Variants in KLRF1 observed in about 807,000 individuals in gnomAD.
KLRF1 encodes killer cell lectin like receptor F1.
Under a neutral mutation model 30.7 loss-of-function variants are expected in KLRF1, and 27 were observed. The observed-to-expected ratio is 0.88, with a 90% CI of 0.65 to 1.21. The LOEUF is 1.21. Among genes scored for constraint, KLRF1 ranks in the 50% most tolerant of loss-of-function variants. The probability of loss-of-function intolerance (pLI) is 0.00; values close to 1 mark genes in which losing one functional copy is unlikely to be tolerated. For missense variants in KLRF1, 246 were observed against 259.3 expected (o/e 0.95, Z 0.35); for synonymous variants, 92 against 89.3 (o/e 1.03, Z -0.17).
intron 3 of KLRF1, among the ~76,000 whole-genome samples, chr12:9,833,901 CTTTTTTTTTTT>C (rs35443913): frequency 2.4e-5 from 2 of 82,406 alleles, no homozygotes; most frequent in African/African-American, 5.5e-5. Context: ...AAATGTTTAA[CTTTTTTTTTTT>C]TTTTTTTTTT....
At chr12:9,810,790 T>A in the KLRF1 span, among the ~76,000 whole-genome samples, 3 of 152,224 alleles carry the variant, frequency 2.0e-5, no homozygotes, top group African/African-American at 7.2e-5. Context: ...GAATTTTTTT[T>A]ATGAAGTGAC....
chr12:9,822,755 A>T (rs933244275), upstream of KLRF1, among the ~76,000 whole-genome samples: 1 of 152,230 alleles, frequency 6.6e-6, no homozygotes, highest in African/African-American at 2.4e-5. Flanking sequence ...ACAGGCTTGA[A>T]ATAAAGGGAT....
chr12:9,802,060 C>G, the KLRF1 span, among the ~76,000 whole-genome samples: 2 of 151,954 alleles, frequency 1.3e-5, no homozygotes, highest in Admixed American at 6.6e-5. Context: ...GTCAATATCC[C>G]TGATGAACAT....
intron 5 of KLRF1, among the ~76,000 whole-genome samples, chr12:9,842,793 T>C (rs777385665): frequency 6.6e-6 from 1 of 152,212 alleles, no homozygotes; most frequent in South Asian, 2.1e-4. Context: ...AAAATACAAA[T>C]GGTATATACA....
At position 9,827,531 on chromosome 12, in the gene KLRF1, C is replaced by G. The variant is rs1180765053; in HGVS notation, c.-14C>G. On this transcript the variant is annotated 5_prime_UTR_variant, in exon 1 of 6. Transcript: ENST00000617889. Reference sequence around the variant, plus strand: ...AAACATACCTGTATACACACACATTCACTCACATTGAAGATGCAAGATGAA... The same window carrying G: ...AAACATACCTGTATACACACACATTGACTCACATTGAAGATGCAAGATGAA... 2.0e-6 allele frequency: 3 copies of G among 1,511,268 alleles called. No homozygotes were observed. The highest frequency in any genetic ancestry group is 1.8e-6 in the Non-Finnish European group (2 of 1,090,862). 93.6% of individuals were successfully genotyped at this position (1,511,268 alleles called of 1,614,324 possible).
the KLRF1 span, among the ~76,000 whole-genome samples, chr12:9,811,115 C>T: frequency 6.6e-6 from 1 of 151,746 alleles, no homozygotes; most frequent in East Asian, 1.9e-4. Context: ...TCACCTAAGA[C>T]TGCTTCTTAC....
At chr12:9,830,362 A>G (rs1867386622) in intron 1 of KLRF1, among the ~76,000 whole-genome samples, 1 of 152,012 alleles carries the variant, frequency 6.6e-6, no homozygotes, top group African/African-American at 2.4e-5. Context: ...ACCTTCAAAT[A>G]ATTTTACCTT....
chr12:9,834,360 A>G (rs1238559418), intron 3 of KLRF1, among the ~76,000 whole-genome samples: 2 of 152,076 alleles, frequency 1.3e-5, no homozygotes, highest in Non-Finnish European at 2.9e-5. Flanking sequence ...TTACAGTAAT[A>G]AGAAAAATAA....
At chr12:9,802,351 T>G in the KLRF1 span, among the ~76,000 whole-genome samples, 1 of 151,520 alleles carries the variant, frequency 6.6e-6, no homozygotes, top group Non-Finnish European at 1.5e-5. Flanking sequence ...ATAATAAGAG[T>G]TATTTATGAC....
rs2232543 is a variant in KLRF1, at chr12:9,827,647, A to G, written c.85+18A>G. ...ATTTAAAGGTATGGAATTTAATTTC[A>G]TTTTTTCAATTGGTGTGAATTAACA... is the stretch of plus-strand genomic sequence containing the variant. On this transcript the variant is annotated intron_variant, in intron 1 of 5. Coordinates refer to ENST00000617889, the MANE Select transcript of KLRF1 (RefSeq NM_016523.3). The G allele has an allele frequency of 0.99, 1,482,865 of 1,502,836 alleles. 732,655 individuals carry two copies. The highest frequency in any genetic ancestry group is 1 in the Non-Finnish European group (1,081,826 of 1,083,048). The allele number at this position is 1,502,836 out of a possible 1,614,324, so 93.1% of individuals were successfully genotyped here.
chr12:9,842,017 T>G, intron 4 of KLRF1, 66 bp downstream of exon 4: 1 of 1,463,976 alleles, frequency 6.8e-7, no homozygotes, highest in Non-Finnish European at 9.3e-7. Context: ...CAAATATCTT[T>G]CCATCTTTGC....
At chr12:9,826,788 C>G (rs1239513716), upstream of KLRF1, among the ~76,000 whole-genome samples, 1 of 152,166 alleles carries the variant, frequency 6.6e-6, no homozygotes, top group Non-Finnish European at 1.5e-5. Flanking sequence ...CCAAATACCA[C>G]ATGTTCTCAC....
At chr12:9,822,351 A>G in the KLRF1 span, among the ~76,000 whole-genome samples, 1 of 152,242 alleles carries the variant, frequency 6.6e-6, no homozygotes, top group East Asian at 1.9e-4. Flanking sequence ...TGGAAAACAC[A>G]TTACAAGAAT....
chr12:9,806,068 G>T, the KLRF1 span, among the ~76,000 whole-genome samples: 1 of 150,920 alleles, frequency 6.6e-6, no homozygotes, highest in African/African-American at 2.4e-5. Flanking sequence ...CTTGCTTTAG[G>T]CTTATTTCGT....
chr12:9,826,353 T>A (rs1867282580), upstream of KLRF1, among the ~76,000 whole-genome samples: 1 of 152,172 alleles, frequency 6.6e-6, no homozygotes, highest in Non-Finnish European at 1.5e-5. Context: ...ACCAGTCGAA[T>A]GGCTATTATT....
At chr12:9,800,655 A>C in the KLRF1 span, among the ~76,000 whole-genome samples, 2 of 151,938 alleles carry the variant, frequency 1.3e-5, no homozygotes, top group African/African-American at 4.8e-5. Flanking sequence ...TTCCATTTGT[A>C]TATCTTCTTA....
the KLRF1 span, among the ~76,000 whole-genome samples, chr12:9,821,946 G>T: frequency 6.6e-6 from 1 of 152,188 alleles, no homozygotes; most frequent in African/African-American, 2.4e-5. Flanking sequence ...CCAAAGACAA[G>T]TCAGTTGCAA....
intron 5 of KLRF1, among the ~76,000 whole-genome samples, chr12:9,843,617 T>C (rs2136969369): frequency 6.6e-6 from 1 of 152,290 alleles, no homozygotes; most frequent in African/African-American, 2.4e-5. Flanking sequence ...TTGCCCAACT[T>C]GGTTTTGTCT....
intron 3 of KLRF1, among the ~76,000 whole-genome samples, chr12:9,840,367 G>A (rs950205606): frequency 6.6e-6 from 1 of 151,802 alleles, no homozygotes; most frequent in African/African-American, 2.4e-5. Context: ...AAATAATCAC[G>A]ATAAAAAATA....
Sources: allele counts gnomAD v4.1 joint callset (sites outside exome capture counted in the v4.1 genomes callset), GRCh38; gene constraint gnomAD v4.1.1; transcripts MANE v1.5; gene names NCBI Gene and HGNC (gene_info 2026-07-23, HGNC 2026-07-21).